The following STK25 variants were observed in gnomAD, a reference collection of about 807,000 sequenced individuals.
STK25 encodes serine/threonine kinase 25.
In STK25, 29 loss-of-function variants were observed where a neutral mutation model predicts 53.8. The observed-to-expected ratio is 0.54, with a 90% CI of 0.40 to 0.74. The LOEUF is 0.74. Among genes scored for constraint, STK25 ranks in the 30% least tolerant of loss-of-function variants. The pLI is 0.00. For synonymous variants in STK25, 247 were observed against 238.3 expected (o/e 1.04, Z -0.33); for missense variants, 420 against 568.0 (o/e 0.74, Z 2.65).
In STK25 at chr2:241,493,593, C is replaced by T. The variant is rs991231770; in HGVS notation, c.*2069G>A. On this transcript the variant is annotated 3_prime_UTR_variant, in exon 12 of 12. Coordinates refer to ENST00000316586, the MANE Select transcript of STK25 (RefSeq NM_001271977.2). ...CCAGCATTTCCAAAAAACAGCAATG[C>T]TTTGTTTTTTTTTTTTTTGGAGATG... 4 of 629,706 alleles carry T rather than the reference C, an allele frequency of 6.4e-6. No homozygotes were observed. Among genetic ancestry groups the T allele is most frequent in the East Asian group, 2.9e-5 (1 of 34,112 alleles). 39.0% of individuals were successfully genotyped at this position (629,706 alleles called of 1,614,324 possible).
At chr2:241,503,805 C>T (rs533839287) in intron 2 of STK25, among the ~76,000 whole-genome samples, 37 of 152,014 alleles carry the variant, frequency 2.4e-4, no homozygotes, top group Non-Finnish European at 3.2e-4. Flanking sequence ...CCTGGGCCTG[C>T]GGAGACCGTG....
At chr2:241,498,083 C>A in intron 9 of STK25, 152 bp downstream of exon 9, 2 of 734,184 alleles carry the variant, frequency 2.7e-6, no homozygotes, top group Admixed American at 2.3e-5. Context: ...CCACACCAGG[C>A]CTAGTGCCAC....
At chr2:241,504,021 G>A (rs769775911) in intron 2 of STK25, 23 of 471,034 alleles carry the variant, frequency 4.9e-5, no homozygotes, top group Non-Finnish European at 8.4e-5. Context: ...TGGAAGGGGC[G>A]GCACACAGGC....
intron 5 of STK25, 163 bp from the exon 6 acceptor site, chr2:241,499,577 A>G: frequency 3.6e-6 from 3 of 838,892 alleles, no homozygotes; most frequent in Non-Finnish European, 3.6e-6. Context: ...AGGGCCACCT[A>G]GGGCCACAGG....
In STK25 at chr2:241,493,350, G is replaced by A. The variant is rs1349416308; in HGVS notation, c.*2312C>T. 2.5e-6 allele frequency: 4 copies of A among 1,613,914 alleles called. No individual in the cohort carries two copies. The highest frequency in any genetic ancestry group is 1.7e-5 in the Admixed American group (1 of 60,006). On this transcript the variant is annotated 3_prime_UTR_variant, in exon 12 of 12. Transcript: ENST00000316586. ...GGGCTACAGCGTGAGCATCCCCAGG[G>A]AGGCCGATGGCATACACAAAGACTA...
intron 5 of STK25, 176 bp from the exon 6 acceptor site, chr2:241,499,590 C>A: frequency 5.3e-6 from 4 of 759,320 alleles, no homozygotes; most frequent in Non-Finnish European, 8.3e-6. Context: ...GCCACAGGGG[C>A]ACTGCCAGCA....
At chr2:241,508,745 C>T (rs1037846863), upstream of STK25, 152 of 985,414 alleles carry the variant, frequency 1.5e-4, no homozygotes, top group Non-Finnish European at 1.8e-4. Context: ...ATGCGCGCCG[C>T]GAGGCTCTCT....
intron 2 of STK25, among the ~76,000 whole-genome samples, chr2:241,506,781 T>C (rs967581299): frequency 2.0e-4 from 31 of 152,076 alleles, no homozygotes; most frequent in African/African-American, 7.5e-4. Flanking sequence ...AAAATAAAAA[T>C]AAAGTAAAAT....
In STK25 at chr2:241,508,077, C is replaced by T. The variant is rs373530403; in HGVS notation, c.-42G>A. ...ACCCTCCGCCAGCAGCCCCAGGAGG[C>T]GTCTGGATCCCGCGGAGAGGCGCGG... On this transcript the variant is annotated 5_prime_UTR_variant, in exon 2 of 12. Transcript: ENST00000316586. The T allele has an allele frequency of 7.6e-6, 12 of 1,578,482 alleles. No individual in the cohort carries two copies. The Admixed American group carries it at 1.3e-4, about 17-fold the overall frequency.
chr2:241,500,118 C>CTT, intron 5 of STK25, 55 bp downstream of exon 5: 1 of 1,510,834 alleles, frequency 6.6e-7, no homozygotes, highest in Non-Finnish European at 9.2e-7. Flanking sequence ...CCCGGCCTCT[C>CTT]TAAGGTCAGT....
intron 9 of STK25, 128 bp downstream of exon 9, chr2:241,498,107 C>T: frequency 1.1e-6 from 1 of 876,288 alleles, no homozygotes; most frequent in South Asian, 1.5e-5. Context: ...GGGCTTCAGA[C>T]CACCCCTGCC....
In STK25 at chr2:241,495,407, G is replaced by A. The variant is rs142394358; in HGVS notation, c.*255C>T. 4.0e-4 allele frequency: 203 copies of A among 507,212 alleles called. No individual in the cohort carries two copies. The highest frequency in any genetic ancestry group is 3.6e-3 in the African/African-American group (188 of 51,890). 31.4% of individuals were successfully genotyped at this position (507,212 alleles called of 1,614,324 possible). A position where few individuals can be genotyped will look rare whatever the true frequency, so the allele number is the denominator to read the frequency against. Reference sequence around the variant, plus strand: ...GGCCACGCCGGCGGCTGGAGCCCCCGTGAGCAATACTGCTGGGCCAGGAGA... The same window carrying A: ...GGCCACGCCGGCGGCTGGAGCCCCCATGAGCAATACTGCTGGGCCAGGAGA... On this transcript the variant is annotated 3_prime_UTR_variant, in exon 12 of 12. Coordinates refer to ENST00000316586, the MANE Select transcript of STK25 (RefSeq NM_001271977.2).
chr2:241,497,539 G>A, intron 10 of STK25, 77 bp downstream of exon 10: 1 of 1,453,964 alleles, frequency 6.9e-7, no homozygotes. Context: ...AGTGCTGTGA[G>A]GGAGACATCT....
At chr2:241,507,861 A>AGGACGGCTCCGCTGGTC in intron 2 of STK25, 145 bp downstream of exon 2, 1 of 847,056 alleles carries the variant, frequency 1.2e-6, no homozygotes, top group East Asian at 2.9e-5. Flanking sequence ...CGCCCACCTC[A>AGGACGGCTCCGCTGGTC]GGACGGCTCC....
intron 2 of STK25, among the ~76,000 whole-genome samples, chr2:241,506,533 C>CT (rs2065841005): frequency 1.3e-5 from 2 of 152,172 alleles, no homozygotes; most frequent in Non-Finnish European, 2.9e-5. Context: ...GTTGGGAGGC[C>CT]AGGGCAAGCA....
intron 8 of STK25, 67 bp from the exon 9 acceptor site, chr2:241,498,416 A>T: frequency 7.0e-7 from 1 of 1,428,242 alleles, no homozygotes; most frequent in South Asian, 1.3e-5. Flanking sequence ...GCCTCAGGGC[A>T]CACCTCACGG....
rs2065159458 is a variant in STK25 at position 241,496,375 on chromosome 2, C to T, written c.1241+23G>A. The stretch of plus-strand genomic sequence containing the variant: ...TTCTTGGTGGGGGTGCTCTCCCCGA[C>T]CCTATGGCACGGCCGCCCTCACCTC... On this transcript the variant is annotated intron_variant, in intron 11 of 11. Coordinates refer to ENST00000316586, the MANE Select transcript of STK25 (RefSeq NM_001271977.2). This position sits in a 1 kb window ranked among gnomAD's most constrained non-coding sequence, Gnocchi z 5.8. 1.9e-6 allele frequency: 3 copies of T among 1,606,382 alleles called. No individual in the cohort carries two copies. The highest frequency in any genetic ancestry group is 2.6e-6 in the Non-Finnish European group (3 of 1,175,218).
At position 241,498,993 on chromosome 2, in the gene STK25, C is replaced by T. The variant is rs143937320; in HGVS notation, c.767G>A (p.Arg256Gln). Residue 256 changes from arginine (R) to glutamine (Q), a missense_variant, in exon 7 of 12, where the codon CGA becomes CAA. Physicochemically the swap from Arg to Gln is conservative, Grantham distance 43 (BLOSUM62 1). Transcript: ENST00000316586. ...CGGGCCAGAGGCGGGCCTTACGAAT[C>T]GGGGGTCTTTGTTGAGGCAGGCCTC... ...FVEACLNKDP[R>Q]FRPTAKELLK... 1.2e-4 allele frequency: 190 copies of T among 1,613,586 alleles called. No individual in the cohort carries two copies. Among genetic ancestry groups the T allele is most frequent in the Non-Finnish European group, 1.4e-4 (169 of 1,179,816 alleles).
chr2:241,501,419 G>C lies in STK25; in HGVS notation c.261+59C>G. 2 of 1,536,266 alleles carry C rather than the reference G, an allele frequency of 1.3e-6. No homozygotes were observed. The highest frequency in any genetic ancestry group is 1.8e-6 in the Non-Finnish European group (2 of 1,119,450). On this transcript the variant is annotated intron_variant, in intron 3 of 11. Coordinates refer to ENST00000316586, the MANE Select transcript of STK25 (RefSeq NM_001271977.2). This position sits in a 1 kb window ranked among gnomAD's most constrained non-coding sequence, Gnocchi z 5.3. ...CTCTGGCATGTCACTCAGTCCCTCT[G>C]ACATGGAAGAGAGCCGGGCACAGCA...
Sources: gnomAD v4.1 joint callset for allele counts (sites outside exome capture counted in the v4.1 genomes callset) on GRCh38, gnomAD v4.1.1 for gene constraint, Gnocchi (gnomAD v3.1) non-coding constraint, MANE v1.5 for transcripts, NCBI Gene and HGNC (gene_info 2026-07-23, HGNC 2026-07-21) for gene names.